Variants in TUSC3 observed in about 807,000 individuals in gnomAD.
TUSC3 encodes the protein tumor suppressor candidate 3.
TUSC3 carries 45 observed loss-of-function variants against 44.8 expected under a neutral mutation model. The ratio of observed to expected loss-of-function variants is 1.00; its 90% confidence interval spans 0.79 to 1.29. TUSC3 has a LOEUF of 1.29. TUSC3 is among the 50% of genes most tolerant of loss of function. The pLI is 0.00. For missense variants in TUSC3, 519 were observed against 437.9 expected (o/e 1.19, Z -1.65); for synonymous variants, 212 against 152.9 (o/e 1.39, Z -2.85).
chr8:15,419,095 C>G (rs1014267443), intron 1 of TUSC3, among the ~76,000 whole-genome samples: 2 of 152,208 alleles, frequency 1.3e-5, no homozygotes, highest in Non-Finnish European at 2.9e-5. Flanking sequence ...ACATTTCCCT[C>G]TCTCCAAGTA....
intron 1 of TUSC3, among the ~76,000 whole-genome samples, chr8:15,423,396 G>T (rs1224239081): frequency 1.3e-5 from 2 of 152,154 alleles, no homozygotes; most frequent in Non-Finnish European, 2.9e-5. Flanking sequence ...TTCGGATACT[G>T]TCTCCTAGAT....
intron 1 of TUSC3, among the ~76,000 whole-genome samples, chr8:15,437,326 C>T (rs28670740): frequency 6.6e-6 from 1 of 151,998 alleles, no homozygotes; most frequent in East Asian, 1.9e-4. Flanking sequence ...TTAGTCTAGA[C>T]CTACATATCT....
chr8:15,739,033 A>C (rs563436147), intron 7 of TUSC3, among the ~76,000 whole-genome samples: 301 of 151,554 alleles, frequency 2.0e-3, no homozygotes, highest in Non-Finnish European at 3.1e-3. Flanking sequence ...GGATTTCACC[A>C]TATTGGCCAG....
intron 7 of TUSC3, among the ~76,000 whole-genome samples, chr8:15,734,005 T>C (rs2129209592): frequency 6.6e-6 from 1 of 152,308 alleles, no homozygotes; most frequent in African/African-American, 2.4e-5. Context: ...GCTCACACAC[T>C]ACACTTGAAT....
chr8:15,629,847 C>G (rs1805681792), intron 2 of TUSC3, among the ~76,000 whole-genome samples: 1 of 151,830 alleles, frequency 6.6e-6, no homozygotes, highest in African/African-American at 2.4e-5. Flanking sequence ...CTTGTAAGCC[C>G]TTTTAGCAGA....
chr8:15,710,146 C>G (rs905899108), intron 6 of TUSC3, among the ~76,000 whole-genome samples: 3 of 151,636 alleles, frequency 2.0e-5, no homozygotes, highest in Non-Finnish European at 4.4e-5. Flanking sequence ...TGAAATGTTA[C>G]TTTAGGTTTT....
intron 1 of TUSC3, among the ~76,000 whole-genome samples, chr8:15,572,710 G>C: frequency 6.6e-6 from 1 of 152,070 alleles, no homozygotes; most frequent in East Asian, 1.9e-4. Context: ...TGAACACCTA[G>C]AGGTCATTGT....
In TUSC3 at chr8:15,659,507, C is replaced by G. The variant is rs1807326368; in HGVS notation, c.427C>G (p.Leu143Val). The change falls in exon 4 of 11, where the codon CTC (leucine) becomes GTC (valine). Residue 143 changes from leucine (L) to valine (V), a missense_variant and splice_region_variant. Transcript: ENST00000503731. ...AGTATTTTTTTCTCATGTTTTACAG[C>G]TCAACATGAACTCTGCTCCTACATT... is the stretch of plus-strand genomic sequence containing the variant. ...YDEGTDVFQQ[L>V]NMNSAPTFMH... The G allele has an allele frequency of 6.2e-6, 10 of 1,611,930 alleles. No homozygotes were observed. Among genetic ancestry groups the G allele is most frequent in the Non-Finnish European group, 5.9e-6 (7 of 1,179,462 alleles).
intron 1 of TUSC3, among the ~76,000 whole-genome samples, chr8:15,570,682 G>A (rs911192938): frequency 9.9e-5 from 15 of 151,882 alleles, no homozygotes; most frequent in African/African-American, 3.4e-4. Context: ...TGATTTTATT[G>A]TATAGGTGAA....
intron 2 of TUSC3, among the ~76,000 whole-genome samples, chr8:15,507,755 A>G (rs1384030376): frequency 6.7e-6 from 1 of 149,294 alleles, no homozygotes; most frequent in African/African-American, 2.4e-5. Context: ...TGTACTCTTT[A>G]ACAGTCTACT....
intron 6 of TUSC3, among the ~76,000 whole-genome samples, chr8:15,702,139 G>T (rs1158993902): frequency 6.6e-6 from 1 of 152,086 alleles, no homozygotes; most frequent in Non-Finnish European, 1.5e-5. Flanking sequence ...TTCTTGGCCT[G>T]ATGGGGCTTC....
rs766180857 is a variant in TUSC3 at position 15,662,282 on chromosome 8, G to T, written c.694G>T (p.Ala232Ser). The stretch of plus-strand genomic sequence containing the variant: ...GTTCATCTATAACAAGACTGGTTGG[G>T]CCATGGTGTCTCTGGTATGTTAATA... ...LEFIYNKTGW[A>S]MVSLCIVFAM... Residue 232 changes from alanine (A) to serine (S), a missense_variant, in exon 5 of 11, where the codon GCC (alanine) becomes TCC (serine). Transcript: ENST00000503731. 2.3e-5 allele frequency: 37 copies of T among 1,612,788 alleles called. No homozygotes were observed. In the East Asian group the frequency reaches 8.3e-4, roughly 36 times the overall value.
the TUSC3 span, among the ~76,000 whole-genome samples, chr8:15,800,638 T>A: frequency 6.6e-6 from 1 of 151,550 alleles, no homozygotes; most frequent in Non-Finnish European, 1.5e-5. Flanking sequence ...TTCAGAGCAA[T>A]ACTGATTTTA....
At chr8:15,720,208 A>T (rs11785019) in intron 6 of TUSC3, among the ~76,000 whole-genome samples, 33 of 143,154 alleles carry the variant, frequency 2.3e-4, no homozygotes, top group East Asian at 1.9e-3. Flanking sequence ...ATATACACAC[A>T]CACACACACA....
intron 2 of TUSC3, among the ~76,000 whole-genome samples, chr8:15,645,932 C>T (rs1806605518): frequency 6.6e-6 from 1 of 152,034 alleles, no homozygotes; most frequent in Admixed American, 6.6e-5. Flanking sequence ...ATGTGGTAAA[C>T]TTAGCTTAAG....
intron 1 of TUSC3, among the ~76,000 whole-genome samples, chr8:15,443,484 G>A (rs1247740769): frequency 1.3e-5 from 2 of 151,904 alleles, no homozygotes; most frequent in Non-Finnish European, 2.9e-5. Flanking sequence ...CAAGAGTGGT[G>A]AAACCACCTT....
At chr8:15,747,980 A>C (rs1242927388) in intron 8 of TUSC3, among the ~76,000 whole-genome samples, 1 of 152,132 alleles carries the variant, frequency 6.6e-6, no homozygotes. Flanking sequence ...TGTTCCTGCT[A>C]ATATAGCCAA....
At chr8:15,682,309 G>T (rs2129186122) in intron 6 of TUSC3, among the ~76,000 whole-genome samples, 1 of 152,130 alleles carries the variant, frequency 6.6e-6, no homozygotes. Context: ...TGTAAGTCTA[G>T]AATTTTTTTA....
intron 1 of TUSC3, among the ~76,000 whole-genome samples, chr8:15,552,896 A>AGGTAAT (rs1179924471): frequency 5.3e-5 from 8 of 151,702 alleles, no homozygotes; most frequent in Non-Finnish European, 1.5e-5. Context: ...TCAAAGTGAG[A>AGGTAAT]GGTAATGATG....
Sources: gnomAD v4.1 joint callset for allele counts (sites outside exome capture counted in the v4.1 genomes callset) on GRCh38, gnomAD v4.1.1 for gene constraint, MANE v1.5 for transcripts, NCBI Gene and HGNC (gene_info 2026-07-23, HGNC 2026-07-21) for gene names.